The following CA10 variants were observed in gnomAD, a reference collection of about 807,000 sequenced individuals.
CA10 encodes carbonic anhydrase 10 (inactive), also known as carbonic anhydrase-related protein 10.
CA10 carries 14 observed loss-of-function variants against 44.2 expected under a neutral mutation model. The ratio of observed to expected loss-of-function variants is 0.32; its 90% confidence interval spans 0.21 to 0.50. The LOEUF (loss-of-function observed/expected upper bound fraction) is 0.50. CA10 is among the 20% of genes least tolerant of loss of function. The pLI is 0.99. For missense variants in CA10, 350 were observed against 409.7 expected (o/e 0.85, Z 1.26); for synonymous variants, 159 against 141.6 (o/e 1.12, Z -0.87).
rs1213410690 is a variant in CA10, at chr17:51,815,064, T to G, written c.280-67246A>C. 3.3e-5 allele frequency among the ~76,000 whole-genome samples: 5 copies of G among 151,996 alleles called. No homozygotes were observed. In the East Asian group the frequency reaches 9.7e-4, roughly 29 times the overall value. ...ACAGTACTAAACACCAACAATTAGG[T>G]AAAGAGACTAAAACAGCAGTGCTCA... On this transcript the variant is annotated intron_variant, in intron 3 of 8. Coordinates refer to ENST00000451037, the MANE Select transcript of CA10 (RefSeq NM_020178.5).
In CA10 at chr17:52,081,809, A is replaced by AAAATAAAATT. The variant is rs533218645; in HGVS notation, c.62-9417_62-9416insAATTTTATTT. ...AGCGAGACTCCGTCTCAAAAAAAAA[A>AAAATAAAATT]AAAAAAAAAAAGATTTAGATGAAGC... On this transcript the variant is annotated intron_variant, in intron 1 of 8. Transcript: ENST00000451037. Among the ~76,000 whole-genome samples, 478 of 151,962 alleles carry AAAATAAAATT rather than the reference A, an allele frequency of 3.1e-3. 5 individuals are homozygous for AAAATAAAATT. The highest frequency in any genetic ancestry group is 0.025 in the South Asian group (118 of 4,780).
At chr17:51,654,556 T>C (rs1567790613) in intron 4 of CA10, among the ~76,000 whole-genome samples, 1 of 124,980 alleles carries the variant, frequency 8.0e-6, no homozygotes, top group Non-Finnish European at 1.8e-5. Context: ...TATGGAAGCC[T>C]AATTTTTTTT....
intron 2 of CA10, among the ~76,000 whole-genome samples, chr17:51,981,380 G>A (rs956661823): frequency 6.6e-6 from 1 of 151,974 alleles, no homozygotes; most frequent in African/African-American, 2.4e-5. Context: ...CAACATGCGT[G>A]AATCTCAAAA....
chr17:52,083,581 C>G (rs565735316), intron 1 of CA10, among the ~76,000 whole-genome samples: 6 of 152,236 alleles, frequency 3.9e-5, no homozygotes, highest in Admixed American at 3.3e-4. Flanking sequence ...CCCACCCTTC[C>G]AAGTCTCCAA....
intron 2 of CA10, among the ~76,000 whole-genome samples, chr17:51,996,588 C>G (rs1985244868): frequency 6.6e-6 from 1 of 152,020 alleles, no homozygotes; most frequent in South Asian, 2.1e-4. Context: ...TTTCAGGATA[C>G]ACAAAACTTT....
At chr17:51,831,728 A>AGCGGCG (rs1555604084) in intron 3 of CA10, among the ~76,000 whole-genome samples, 7 of 128,636 alleles carry the variant, frequency 5.4e-5, no homozygotes, top group Admixed American at 2.3e-4. Flanking sequence ...CAGCAGCAGC[A>AGCGGCG]GCAGAAAAAG....
chr17:52,112,005 TA>T (rs906177854), intron 1 of CA10, among the ~76,000 whole-genome samples: 1 of 151,982 alleles, frequency 6.6e-6, no homozygotes, highest in Non-Finnish European at 1.5e-5. Flanking sequence ...AGATAACATA[TA>T]AAAGGAAATG....
chr17:52,090,370 A>G (rs1461099661), intron 1 of CA10, among the ~76,000 whole-genome samples: 2 of 152,194 alleles, frequency 1.3e-5, no homozygotes, highest in African/African-American at 2.4e-5. Context: ...AAAACTTTAT[A>G]AAGTTATAAT....
rs186378191 is a variant in CA10 at position 52,111,214 on chromosome 17, C to T, written c.62-38821G>A. On this transcript the variant is annotated intron_variant, in intron 1 of 8. Coordinates refer to ENST00000451037, the MANE Select transcript of CA10 (RefSeq NM_020178.5). ...CCAGGCACACTGATTATGTATGACG[C>T]TCACTTAACTGTAAATTTTCTTGCT... Among the ~76,000 whole-genome samples, 697 of 152,278 alleles carry T rather than the reference C, an allele frequency of 4.6e-3. 5 individuals carry two copies. The highest frequency in any genetic ancestry group is 0.015 in the African/African-American group (606 of 41,558).
intron 2 of CA10, among the ~76,000 whole-genome samples, chr17:52,018,198 A>G (rs1400850919): frequency 6.6e-6 from 1 of 152,136 alleles, no homozygotes; most frequent in Non-Finnish European, 1.5e-5. Flanking sequence ...TGGAGCCCCC[A>G]TACAAAGTCC....
In CA10 at chr17:52,112,567, G is replaced by A. The variant is rs908785475; in HGVS notation, c.62-40174C>T. Among the ~76,000 whole-genome samples, 9 of 152,274 alleles carry A rather than the reference G, an allele frequency of 5.9e-5. No homozygotes were observed. The South Asian group carries it at 6.2e-4, about 11-fold the overall frequency. ...CCAAACTCCTTGATATTAAATACTG[G>A]TTCTATCACTTATTAGCTGTGGTAC... On this transcript the variant is annotated intron_variant, in intron 1 of 8. Coordinates refer to ENST00000451037, the MANE Select transcript of CA10 (RefSeq NM_020178.5).
chr17:51,703,667 C>T (rs1364659908), intron 4 of CA10, among the ~76,000 whole-genome samples: 1 of 152,110 alleles, frequency 6.6e-6, no homozygotes, highest in Non-Finnish European at 1.5e-5. Context: ...ATGAGGTGTG[C>T]GATGTACAAG....
upstream of CA10, chr17:52,159,694 GC>G (rs1385661614): frequency 2.8e-4 from 43 of 152,440 alleles, no homozygotes; most frequent in African/African-American, 1.0e-3. Context: ...ACCCACCCAG[GC>G]CGAGGCCAGG....
intron 3 of CA10, among the ~76,000 whole-genome samples, chr17:51,803,148 C>G (rs1487807496): frequency 6.6e-6 from 1 of 152,204 alleles, no homozygotes; most frequent in African/African-American, 2.4e-5. Context: ...GTTTTCAACT[C>G]TCTGATTTGT....
At chr17:51,961,101 C>T (rs1983869285) in intron 2 of CA10, among the ~76,000 whole-genome samples, 1 of 152,028 alleles carries the variant, frequency 6.6e-6, no homozygotes, top group East Asian at 1.9e-4. Flanking sequence ...TAATGGCTTG[C>T]CCTATGAATG....
At chr17:51,908,104 C>T (rs2651636) in intron 3 of CA10, among the ~76,000 whole-genome samples, 78,231 of 151,750 alleles carry the variant, frequency 0.52, 20,571 homozygotes, top group Non-Finnish European at 0.55. Flanking sequence ...TGTTCTCTGA[C>T]CCACAAACAC....
chr17:52,108,194 T>TTATATATA (rs71149392), intron 1 of CA10, among the ~76,000 whole-genome samples: 2 of 57,966 alleles, frequency 3.5e-5, no homozygotes, highest in Non-Finnish European at 5.3e-5. Context: ...TATATATTTT[T>TTATATATA]TATATATATA....
intron 5 of CA10, among the ~76,000 whole-genome samples, chr17:51,650,388 G>T (rs538481800): frequency 7.2e-5 from 11 of 152,244 alleles, no homozygotes; most frequent in East Asian, 3.9e-4. Context: ...TGCAGCAGAT[G>T]ATTATTATTA....
intron 3 of CA10, among the ~76,000 whole-genome samples, chr17:51,788,859 A>G (rs1906397908): frequency 6.6e-6 from 1 of 152,204 alleles, no homozygotes; most frequent in African/African-American, 2.4e-5. Context: ...TCCTCCCCTG[A>G]AAGATTGGGA....
Sources: gnomAD v4.1 joint callset for allele counts (sites outside exome capture counted in the v4.1 genomes callset) on GRCh38, gnomAD v4.1.1 for gene constraint, MANE v1.5 for transcripts, NCBI Gene and HGNC (gene_info 2026-07-23, HGNC 2026-07-21) for gene names.